EIF4G3: variants seen among roughly 807,000 people sequenced by gnomAD.
EIF4G3 encodes the protein eukaryotic translation initiation factor 4 gamma 3, also known as eIF-4-gamma 3.
A neutral mutation model predicts 186.4 loss-of-function variants in EIF4G3; 34 were observed. The observed-to-expected ratio is 0.18, with a 90% confidence interval of 0.14 to 0.24. EIF4G3 has a LOEUF of 0.24. EIF4G3 is among the 10% of genes least tolerant of loss of function. The pLI, the probability that EIF4G3 is intolerant of heterozygous loss-of-function variation, is 1.00. For missense variants in EIF4G3, 1,536 were observed against 1,948.5 expected (o/e 0.79, Z 3.99); for synonymous variants, 673 against 679.5 (o/e 0.99, Z 0.15).
chr1:21,124,142 T>C (rs2096979873), intron 2 of EIF4G3, among the ~76,000 whole-genome samples: 1 of 151,940 alleles, frequency 6.6e-6, no homozygotes, highest in Non-Finnish European at 1.5e-5. Flanking sequence ...AATACAAAAA[T>C]TAGCCAGCTG....
chr1:20,961,687 G>C (rs754531758), intron 12 of EIF4G3, among the ~76,000 whole-genome samples: 3 of 152,014 alleles, frequency 2.0e-5, no homozygotes, highest in Non-Finnish European at 2.9e-5. Context: ...TCATCATGAC[G>C]AACAGAGAAT....
At chr1:21,070,727 G>A (rs2095417482) in intron 3 of EIF4G3, among the ~76,000 whole-genome samples, 1 of 152,004 alleles carries the variant, frequency 6.6e-6, no homozygotes, top group Admixed American at 6.6e-5. Context: ...AATATAAATT[G>A]GAACCACCCA....
At chr1:21,085,136 G>C (rs1168597944) in intron 3 of EIF4G3, among the ~76,000 whole-genome samples, 1 of 150,582 alleles carries the variant, frequency 6.6e-6, no homozygotes, top group Non-Finnish European at 1.5e-5. Context: ...CTAAAAAAAA[G>C]ACAAGAAAGA....
intron 11 of EIF4G3, 108 bp downstream of exon 11, chr1:20,972,894 A>G: frequency 2.3e-6 from 2 of 886,918 alleles, no homozygotes; most frequent in Non-Finnish European, 3.3e-6. Flanking sequence ...TAAAAAAAAA[A>G]AAGGCACAGT....
chr1:20,830,212 C>G (rs1207848143), intron 30 of EIF4G3, among the ~76,000 whole-genome samples: 3 of 152,152 alleles, frequency 2.0e-5, no homozygotes, highest in Non-Finnish European at 4.4e-5. Flanking sequence ...GTTCCAGGTT[C>G]TAGCCAAAGT....
chr1:20,869,557 C>G (rs1040502592), intron 20 of EIF4G3, among the ~76,000 whole-genome samples: 5 of 151,486 alleles, frequency 3.3e-5, no homozygotes, highest in African/African-American at 1.2e-4. Context: ...GGGTGGATCA[C>G]GAGGTCAGGA....
At chr1:20,982,458 G>C (rs1159581586) in intron 7 of EIF4G3, 50 bp from the exon 8 acceptor site, 1 of 1,486,538 alleles carries the variant, frequency 6.7e-7, no homozygotes, top group Admixed American at 2.1e-5. Context: ...AAAGCCAATG[G>C]AAAAGCTTAC....
intron 4 of EIF4G3, among the ~76,000 whole-genome samples, chr1:21,040,383 T>A (rs557901097): frequency 9.2e-5 from 14 of 152,296 alleles, no homozygotes; most frequent in African/African-American, 3.4e-4. Flanking sequence ...ACCATAGGCA[T>A]CTCTTCAACT....
Position 20,807,235 on chromosome 1 carries a change from C to T in EIF4G3, c.*84G>A. ...GGGGTTTCTGCGAGAATTGGCCTTG[C>T]TGCACTGTGATTGGCGAAGACGTGA... On this transcript the variant is annotated 3_prime_UTR_variant, in exon 37 of 37. Coordinates refer to ENST00000602326, the MANE Select transcript of EIF4G3 (RefSeq NM_001391906.1). The T allele has an allele frequency of 7.4e-7, 1 of 1,343,656 alleles. No individual in the cohort carries two copies. Among genetic ancestry groups the T allele is most frequent in the Non-Finnish European group, 1.0e-6 (1 of 982,228 alleles). The allele number at this position is 1,343,656 out of a possible 1,614,324, so 83.2% of individuals were successfully genotyped here. A position where few individuals can be genotyped will look rare whatever the true frequency, so the allele number is the denominator to read the frequency against.
At chr1:20,939,312 G>T (rs1053713909) in intron 14 of EIF4G3, among the ~76,000 whole-genome samples, 3 of 151,936 alleles carry the variant, frequency 2.0e-5, no homozygotes, top group Admixed American at 6.6e-5. Flanking sequence ...GTTATTCCAA[G>T]TCATTAAAAA....
intron 33 of EIF4G3, among the ~76,000 whole-genome samples, chr1:20,822,909 T>G (rs1490030642): frequency 6.6e-6 from 1 of 152,202 alleles, no homozygotes; most frequent in Non-Finnish European, 1.5e-5. Flanking sequence ...TGCATTGCCC[T>G]AATTCTTAAA....
At chr1:21,019,508 CT>C in intron 4 of EIF4G3, among the ~76,000 whole-genome samples, 1 of 152,064 alleles carries the variant, frequency 6.6e-6, no homozygotes, top group Non-Finnish European at 1.5e-5. Context: ...AACATGATGC[CT>C]TTTTTATGTT....
At chr1:20,855,501 G>C (rs1379528553) in intron 25 of EIF4G3, among the ~76,000 whole-genome samples, 2 of 152,202 alleles carry the variant, frequency 1.3e-5, no homozygotes, top group Non-Finnish European at 2.9e-5. Context: ...GTTGGCTAGA[G>C]ACAGGCAGTG....
At chr1:20,819,151 A>G (rs2061704735) in intron 33 of EIF4G3, among the ~76,000 whole-genome samples, 1 of 152,160 alleles carries the variant, frequency 6.6e-6, no homozygotes, top group Admixed American at 6.5e-5. Context: ...ATGATGCTCC[A>G]ATATATGCAA....
intron 4 of EIF4G3, among the ~76,000 whole-genome samples, chr1:21,049,820 G>A (rs2094111205): frequency 6.6e-6 from 1 of 152,094 alleles, no homozygotes; most frequent in Admixed American, 6.6e-5. Context: ...GAGCCCAGGA[G>A]TTAGAGGTTA....
intron 25 of EIF4G3, 115 bp downstream of exon 25, chr1:20,857,288 A>G (rs1343049207): frequency 3.5e-6 from 3 of 845,800 alleles, no homozygotes; most frequent in African/African-American, 1.7e-5. Context: ...TTTTACTTTA[A>G]TAAGTACTTT....
At chr1:20,978,315 C>T (rs1232488087) in intron 10 of EIF4G3, among the ~76,000 whole-genome samples, 1 of 152,096 alleles carries the variant, frequency 6.6e-6, no homozygotes, top group African/African-American at 2.4e-5. Flanking sequence ...AACTTTTAAA[C>T]TCACATATAT....
intron 12 of EIF4G3, among the ~76,000 whole-genome samples, chr1:20,957,536 A>G (rs1481628313): frequency 2.0e-5 from 3 of 151,624 alleles, no homozygotes; most frequent in Non-Finnish European, 4.4e-5. Context: ...AAAAAAAAAA[A>G]AGAAATAACA....
In EIF4G3 at chr1:21,034,998, C is replaced by T. The variant is rs11801461; in HGVS notation, c.-67+15868G>A. Reference sequence around the variant, plus strand: ...CCTGCCCTGGATGCCAGTCCAGGCCCGGTGAGGGCCTGGAGCCCCACCCCA... The same window carrying T: ...CCTGCCCTGGATGCCAGTCCAGGCCTGGTGAGGGCCTGGAGCCCCACCCCA... On this transcript the variant is annotated intron_variant, in intron 4 of 36. Coordinates refer to ENST00000602326, the MANE Select transcript of EIF4G3 (RefSeq NM_001391906.1). Among the ~76,000 whole-genome samples, 982 of 152,156 alleles carry T rather than the reference C, an allele frequency of 6.5e-3. 11 individuals carry two copies. The highest frequency in any genetic ancestry group is 0.022 in the African/African-American group (905 of 41,532).
Sources: allele counts gnomAD v4.1 joint callset (sites outside exome capture counted in the v4.1 genomes callset), GRCh38; gene constraint gnomAD v4.1.1; transcripts MANE v1.5; gene names NCBI Gene and HGNC (gene_info 2026-07-23, HGNC 2026-07-21).